ACSL3: variants seen among roughly 807,000 people sequenced by gnomAD.
ACSL3 encodes acyl-CoA synthetase long chain family member 3.
Under a neutral mutation model 84.7 loss-of-function variants are expected in ACSL3, and 34 were observed. That is an observed-to-expected ratio of 0.40 (90% CI 0.31 to 0.53). The LOEUF (loss-of-function observed/expected upper bound fraction) is 0.53. ACSL3 is among the 20% of genes least tolerant of loss of function. ACSL3 has a pLI of 0.48. For synonymous variants in ACSL3, 315 were observed against 299.4 expected, an observed-to-expected ratio of 1.05 and a Z score of -0.54; for missense variants, 680 against 873.1, an observed-to-expected ratio of 0.78 and a Z score of 2.79.
intron 2 of ACSL3, among the ~76,000 whole-genome samples, chr2:222,899,035 G>A (rs1002244348): frequency 1.3e-5 from 2 of 152,176 alleles, no homozygotes; most frequent in East Asian, 3.9e-4. Context: ...ATTTAAAAAT[G>A]CTTTAGGCAG....
At position 222,927,149 on chromosome 2, in the gene ACSL3, C is replaced by G. The variant is rs557759197; in HGVS notation, c.1425C>G (p.Tyr475Ter). 6.2e-7 allele frequency: 1 copy of G among 1,614,034 alleles called. No homozygotes were observed. Among genetic ancestry groups the G allele is most frequent in the Non-Finnish European group, 8.5e-7 (1 of 1,179,940 alleles). The change falls in exon 12 of 17, where the codon TAC becomes TAG. Residue 475 changes from tyrosine to a stop codon, truncating the protein, a stop_gained. Coordinates refer to ENST00000357430, the MANE Select transcript of ACSL3 (RefSeq NM_004457.5). LOFTEE classifies it high-confidence loss of function. ...ICFCCPVGQGYGLTESAGAGT... is the reference protein window; with the variant it reads ...ICFCCPVGQG The stretch of plus-strand genomic sequence containing the variant: ...TCTGCTGTCCTGTTGGTCAGGGATA[C>G]GGGCTCACTGAATCTGCTGGGGCTG...
chr2:222,861,897 G>T (rs1282953656), intron 1 of ACSL3, among the ~76,000 whole-genome samples: 1 of 152,066 alleles, frequency 6.6e-6, no homozygotes, highest in African/African-American at 2.4e-5. Context: ...GGTAACTCGG[G>T]GACTGCTTAC....
chr2:222,888,331 A>G (rs1363217467), intron 2 of ACSL3, among the ~76,000 whole-genome samples: 1 of 152,246 alleles, frequency 6.6e-6, no homozygotes, highest in East Asian at 1.9e-4. Flanking sequence ...ATGGGGCATA[A>G]GAAATATAGC....
chr2:222,917,588 A>G (rs6436361), intron 5 of ACSL3: 63,812 of 152,284 alleles, frequency 0.42, 13,942 homozygotes, highest in East Asian at 0.76. Context: ...TTGTCTTTAG[A>G]TATTTTTGCT....
intron 4 of ACSL3, among the ~76,000 whole-genome samples, chr2:222,911,770 G>A (rs1696446243): frequency 6.6e-6 from 1 of 152,244 alleles, no homozygotes; most frequent in Non-Finnish European, 1.5e-5. Flanking sequence ...AGCTATGATA[G>A]TTGTTTCCTA....
chr2:222,892,168 T>C (rs1373753328), intron 2 of ACSL3, among the ~76,000 whole-genome samples: 1 of 152,190 alleles, frequency 6.6e-6, no homozygotes. Flanking sequence ...TTCTTTGTCT[T>C]TACTAAATAC....
Position 222,901,096 on chromosome 2 carries a change from A to G in ACSL3, c.-41+316A>G, listed in dbSNP as rs142459031. ...CTTCACTTGTCCTCAGCCTTTTAAG[A>G]TCACAAAAAATTGCCATTTGATCCA... is the stretch of plus-strand genomic sequence containing the variant. On this transcript the variant is annotated intron_variant, in intron 3 of 16. Transcript: ENST00000357430. Among the ~76,000 whole-genome samples the G allele has an allele frequency of 3.9e-5, 6 of 152,328 alleles. No individual in the cohort carries two copies. The East Asian group carries it at 9.6e-4, about 24-fold the overall frequency.
In ACSL3 at chr2:222,901,875, C is replaced by T. The variant is rs143038546; in HGVS notation, c.-41+1095C>T. ...CAGGAGAATCACTTGAACCCGGAGG[C>T]GAAGGTTGTAGTGAGCCGAGATCGC... is the stretch of plus-strand genomic sequence containing the variant. On this transcript the variant is annotated intron_variant, in intron 3 of 16. Coordinates refer to ENST00000357430, the MANE Select transcript of ACSL3 (RefSeq NM_004457.5). Among the ~76,000 whole-genome samples, 387 of 134,862 alleles carry T rather than the reference C, an allele frequency of 2.9e-3. 6 individuals are homozygous for T. Among genetic ancestry groups the T allele is most frequent in the African/African-American group, 0.01 (368 of 35,652 alleles). The allele number at this position is 134,862 out of a possible 152,430, so 88.5% of individuals were successfully genotyped here.
At chr2:222,884,874 A>G (rs1234854077) in intron 1 of ACSL3, among the ~76,000 whole-genome samples, 3 of 152,218 alleles carry the variant, frequency 2.0e-5, no homozygotes, top group African/African-American at 7.2e-5. Flanking sequence ...CTTGAACAAA[A>G]ATACATGCAT....
chr2:222,885,335 G>C (rs1695693296), intron 1 of ACSL3, among the ~76,000 whole-genome samples: 1 of 152,122 alleles, frequency 6.6e-6, no homozygotes, highest in African/African-American at 2.4e-5. Flanking sequence ...TTCCGTAAGA[G>C]TGCCAAGATC....
chr2:222,891,430 T>C (rs777237270), intron 2 of ACSL3, among the ~76,000 whole-genome samples: 43 of 152,228 alleles, frequency 2.8e-4, no homozygotes, highest in Admixed American at 4.6e-4. Flanking sequence ...CACATATGCA[T>C]GTGTGTATAT....
intron 3 of ACSL3, among the ~76,000 whole-genome samples, chr2:222,907,948 G>C (rs1381337843): frequency 1.3e-5 from 2 of 151,916 alleles, no homozygotes; most frequent in African/African-American, 4.8e-5. Flanking sequence ...CCTTACCTGG[G>C]TTTATTTTCC....
intron 1 of ACSL3, among the ~76,000 whole-genome samples, chr2:222,886,140 G>A (rs1419778498): frequency 1.7e-5 from 2 of 118,610 alleles, no homozygotes; most frequent in Non-Finnish European, 3.4e-5. Flanking sequence ...CACGTGGCAT[G>A]TTGGTTTGCT....
intron 1 of ACSL3, among the ~76,000 whole-genome samples, chr2:222,863,695 C>G (rs2106076673): frequency 6.6e-6 from 1 of 152,240 alleles, no homozygotes; most frequent in Admixed American, 6.5e-5. Context: ...GTAGCATACG[C>G]TTCACAGGGT....
intron 7 of ACSL3, chr2:222,920,919 C>T (rs1559297677): frequency 2.1e-6 from 1 of 472,884 alleles, no homozygotes; most frequent in Non-Finnish European, 4.3e-6. Context: ...GAACACTCTT[C>T]TCCCAGTTCC....
intron 14 of ACSL3, among the ~76,000 whole-genome samples, chr2:222,931,041 T>C (rs1174982327): frequency 1.3e-5 from 2 of 152,218 alleles, no homozygotes; most frequent in East Asian, 3.8e-4. Flanking sequence ...TAAATTACTC[T>C]TAGATAACCT....
intron 16 of ACSL3, among the ~76,000 whole-genome samples, chr2:222,938,018 G>T (rs568662812): frequency 6.6e-6 from 1 of 152,104 alleles, no homozygotes; most frequent in South Asian, 2.1e-4. Flanking sequence ...ATTATTAACA[G>T]TATATTTTAG....
chr2:222,937,265 G>C (rs1467833062), intron 16 of ACSL3, among the ~76,000 whole-genome samples: 2 of 151,846 alleles, frequency 1.3e-5, no homozygotes, highest in African/African-American at 2.4e-5. Flanking sequence ...TTGATTTTTC[G>C]TGTTGATTTT....
At chr2:222,877,183 A>G (rs1695471075) in intron 1 of ACSL3, among the ~76,000 whole-genome samples, 1 of 152,112 alleles carries the variant, frequency 6.6e-6, no homozygotes, top group Non-Finnish European at 1.5e-5. Context: ...GCTCAAGGGG[A>G]TTGGAGTTCT....
Sources: gnomAD v4.1 joint callset for allele counts (sites outside exome capture counted in the v4.1 genomes callset) on GRCh38, gnomAD v4.1.1 for gene constraint, MANE v1.5 for transcripts, NCBI Gene and HGNC (gene_info 2026-07-23, HGNC 2026-07-21) for gene names.